The following CSTA variants were observed in gnomAD, a reference collection of about 807,000 sequenced individuals.
CSTA encodes the protein cystatin-A.
CSTA carries 9 observed loss-of-function variants against 9.2 expected under a neutral mutation model. That is an observed-to-expected ratio of 0.97 (90% CI 0.59 to 1.70). The LOEUF (loss-of-function observed/expected upper bound fraction) is 1.70, where lower values mean the gene tolerates loss of function less well. Ranked by LOEUF, CSTA falls within the 40% of genes most tolerant of loss-of-function variation. CSTA has a pLI of 0.00. For synonymous variants in CSTA, 36 were observed against 40.6 expected (o/e 0.89, Z 0.43); for missense variants, 118 against 113.1 (o/e 1.04, Z -0.20).
intron 1 of CSTA, among the ~76,000 whole-genome samples, chr3:122,327,100 T>A (rs183353951): frequency 2.0e-5 from 3 of 151,448 alleles, no homozygotes. Context: ...TAGCCGAGCA[T>A]GGTGGTGGGT....
rs146872511 is a variant in CSTA, at chr3:122,326,751, T to C, written c.66+1393T>C. ...CCAGATCAGATCAATGTTCTCAAAC[T>C]TGAATGTGCACATGAATCACCTGCA... On this transcript the variant is annotated intron_variant, in intron 1 of 2. Coordinates refer to ENST00000264474, the MANE Select transcript of CSTA (RefSeq NM_005213.4). 1.6e-3 allele frequency among the ~76,000 whole-genome samples: 251 copies of C among 152,346 alleles called. 3 individuals carry two copies. In the East Asian group the frequency reaches 0.04, roughly 24 times the overall value.
intron 1 of CSTA, among the ~76,000 whole-genome samples, chr3:122,332,015 T>A (rs1483605589): frequency 1.3e-5 from 2 of 152,176 alleles, no homozygotes; most frequent in Admixed American, 6.5e-5. Context: ...CCCACTCCTA[T>A]GAGAATCTAA....
chr3:122,340,229 T>C (rs1190190631), intron 2 of CSTA, among the ~76,000 whole-genome samples: 1 of 152,190 alleles, frequency 6.6e-6, no homozygotes, highest in Admixed American at 6.5e-5. Context: ...TTTCCAGGTC[T>C]CAGATTCATG....
intron 1 of CSTA, among the ~76,000 whole-genome samples, chr3:122,331,903 G>T (rs532882806): frequency 1.3e-5 from 2 of 152,314 alleles, no homozygotes; most frequent in South Asian, 4.1e-4. Context: ...GGGTGGAGGG[G>T]ATAGTTTTGG....
At chr3:122,329,683 C>T (rs754555692) in intron 1 of CSTA, among the ~76,000 whole-genome samples, 1 of 152,206 alleles carries the variant, frequency 6.6e-6, no homozygotes, top group Non-Finnish European at 1.5e-5. Context: ...ATAGAAGCTA[C>T]ATGAGGTCTA....
Position 122,337,657 on chromosome 3 carries a change from T to G in CSTA, c.168+9T>G, listed in dbSNP as rs772234225. 1 of 1,518,396 alleles carries G rather than the reference T, an allele frequency of 6.6e-7. No individual in the cohort carries two copies. Among genetic ancestry groups the G allele is most frequent in the Admixed American group, 1.7e-5 (1 of 59,906 alleles). 94.1% of individuals were successfully genotyped at this position (1,518,396 alleles called of 1,614,324 possible). A position where few individuals can be genotyped will look rare whatever the true frequency, so the allele number is the denominator to read the frequency against. ...CAAATTACTACATTAAGGTTAGAGT[T>G]CAGCACCTACTTTAGCGCCAAAAGA... On this transcript the variant is annotated intron_variant, in intron 2 of 2. Coordinates refer to ENST00000264474, the MANE Select transcript of CSTA (RefSeq NM_005213.4).
At chr3:122,329,514 C>A (rs1289459426) in intron 1 of CSTA, among the ~76,000 whole-genome samples, 1 of 152,026 alleles carries the variant, frequency 6.6e-6, no homozygotes, top group Non-Finnish European at 1.5e-5. Context: ...TGCAGTGAGC[C>A]ATGATCACGC....
chr3:122,328,967 A>G (rs993321653), intron 1 of CSTA, among the ~76,000 whole-genome samples: 2 of 148,702 alleles, frequency 1.3e-5, no homozygotes, highest in South Asian at 4.5e-4. Flanking sequence ...TTAAAAATTT[A>G]AAATTTAATT....
chr3:122,336,341 G>A (rs981586957), intron 1 of CSTA, among the ~76,000 whole-genome samples: 2 of 152,104 alleles, frequency 1.3e-5, no homozygotes, highest in Non-Finnish European at 2.9e-5. Flanking sequence ...AATGATGGAG[G>A]CATGTTGAAA....
At chr3:122,336,246 A>G (rs1250271451) in intron 1 of CSTA, among the ~76,000 whole-genome samples, 1 of 152,176 alleles carries the variant, frequency 6.6e-6, no homozygotes, top group East Asian at 1.9e-4. Context: ...AGTTGATTCC[A>G]GTGAGGAGGC....
rs34021626 is a variant in CSTA at position 122,341,543 on chromosome 3, G to T, written c.273G>T (p.Lys91Asn). ...VLTGYQVDKN[K>N]DDELTGF is the part of the protein sequence containing the mutation. ...CTGGATACCAGGTTGACAAAAACAA[G>T]GATGACGAGCTGACGGGCTTTTAGC... The change falls in exon 3 of 3, where the codon AAG (lysine) becomes AAT (asparagine). Residue 91 changes from lysine (K) to asparagine (N), a missense_variant. Physicochemically the swap from Lys to Asn is moderately conservative, Grantham distance 94. Coordinates refer to ENST00000264474, the MANE Select transcript of CSTA (RefSeq NM_005213.4). 5,623 of 1,614,096 alleles carry T rather than the reference G, an allele frequency of 3.5e-3. 184 individuals carry two copies. The African/African-American group carries it at 0.064, about 18-fold the overall frequency.
At position 122,331,941 on chromosome 3, in the gene CSTA, A is replaced by C. The variant is rs116839596; in HGVS notation, c.67-5606A>C. On this transcript the variant is annotated intron_variant, in intron 1 of 2. Coordinates refer to ENST00000264474, the MANE Select transcript of CSTA (RefSeq NM_005213.4). Reference sequence around the variant, plus strand: ...TGAAGCTGTTCCACCTCAGATCATCAGGCATTATTTTCTCATAAGGAGCAC... The same window carrying C: ...TGAAGCTGTTCCACCTCAGATCATCCGGCATTATTTTCTCATAAGGAGCAC... Among the ~76,000 whole-genome samples the C allele has an allele frequency of 1.9e-3, 284 of 152,296 alleles. 3 individuals are homozygous for C. Among genetic ancestry groups the C allele is most frequent in the African/African-American group, 6.3e-3 (262 of 41,558 alleles).
chr3:122,331,104 AACACACACACACACAC>A (rs10575257), intron 1 of CSTA, among the ~76,000 whole-genome samples: 5 of 141,076 alleles, frequency 3.5e-5, no homozygotes, highest in African/African-American at 1.3e-4. Context: ...GCACACAACA[AACACACACACACACAC>A]ACACACACAC....
intron 1 of CSTA, among the ~76,000 whole-genome samples, chr3:122,328,307 C>A (rs1448295875): frequency 2.0e-5 from 3 of 151,964 alleles, no homozygotes; most frequent in African/African-American, 7.3e-5. Context: ...TCGAGACCAG[C>A]CTGGCCAACA....
intron 1 of CSTA, among the ~76,000 whole-genome samples, chr3:122,327,708 A>G (rs2107664901): frequency 6.8e-6 from 1 of 147,056 alleles, no homozygotes; most frequent in East Asian, 2.0e-4. Flanking sequence ...AGGTATCACA[A>G]TTGTTTACTT....
intron 1 of CSTA, among the ~76,000 whole-genome samples, chr3:122,328,130 C>G (rs1019906433): frequency 6.6e-6 from 1 of 152,180 alleles, no homozygotes; most frequent in African/African-American, 2.4e-5. Context: ...ATTTCATCTT[C>G]ATAACCCCTG....
Position 122,341,728 on chromosome 3 carries a change from C to T in CSTA, c.*161C>T. On this transcript the variant is annotated 3_prime_UTR_variant, in exon 3 of 3. Transcript: ENST00000264474. ...TAAGCAGAAATTACCTTTTCTTTCT[C>T]AAAATCAGTGTTATTGCTTTAGAGT... is the stretch of plus-strand genomic sequence containing the variant. 3.4e-6 allele frequency: 3 copies of T among 874,842 alleles called. No individual in the cohort carries two copies. The highest frequency in any genetic ancestry group is 3.5e-6 in the Non-Finnish European group (2 of 572,740). 54.2% of individuals were successfully genotyped at this position (874,842 alleles called of 1,614,324 possible). A position where few individuals can be genotyped will look rare whatever the true frequency, so the allele number is the denominator to read the frequency against.
At chr3:122,335,113 A>C (rs2107667528) in intron 1 of CSTA, among the ~76,000 whole-genome samples, 1 of 152,322 alleles carries the variant, frequency 6.6e-6, no homozygotes, top group East Asian at 1.9e-4. Context: ...ACTGTACAGA[A>C]AGTTGATGGG....
chr3:122,338,573 A>G (rs1422673513), intron 2 of CSTA, among the ~76,000 whole-genome samples: 4 of 151,728 alleles, frequency 2.6e-5, no homozygotes, highest in Non-Finnish European at 4.4e-5. Context: ...GTACAGAGCT[A>G]TGTACACAGA....
Sources: allele counts gnomAD v4.1 joint callset (sites outside exome capture counted in the v4.1 genomes callset), GRCh38; gene constraint gnomAD v4.1.1; transcripts MANE v1.5; gene names NCBI Gene and HGNC (gene_info 2026-07-23, HGNC 2026-07-21).